The following MTDH variants were observed in gnomAD, a reference collection of about 807,000 sequenced individuals.
The protein encoded by MTDH is protein LYRIC.
In MTDH, 34 loss-of-function variants were observed where a neutral mutation model predicts 72.7. That is an observed-to-expected ratio of 0.47 (90% CI 0.36 to 0.62). The LOEUF (loss-of-function observed/expected upper bound fraction) is 0.62, where lower values mean the gene tolerates loss of function less well. Ranked by LOEUF, MTDH falls within the 20% of genes least tolerant of loss-of-function variation. The probability of loss-of-function intolerance (pLI) is 0.00; values close to 1 mark genes in which losing one functional copy is unlikely to be tolerated. For synonymous variants in MTDH, 266 were observed against 268.9 expected (o/e 0.99, Z 0.10); for missense variants, 677 against 699.4 (o/e 0.97, Z 0.36).
rs1367320107 is a variant in MTDH at position 97,718,495 on chromosome 8, G to GT, written c.1381-545dup. On this transcript the variant is annotated intron_variant, in intron 9 of 11. Transcript: ENST00000336273. ...TTGTTAAGTGAAGTGTTTTTTGTGG[G>GT]TTTTTTTTTGTTTTTGTTTTTGTTT... Among the ~76,000 whole-genome samples, 268 of 145,428 alleles carry GT rather than the reference G, an allele frequency of 1.8e-3. 1 individual carries two copies. The highest frequency in any genetic ancestry group is 5.4e-3 in the African/African-American group (209 of 38,380).
At chr8:97,668,026 G>A (rs778877161) in intron 2 of MTDH, among the ~76,000 whole-genome samples, 7 of 151,796 alleles carry the variant, frequency 4.6e-5, no homozygotes, top group Non-Finnish European at 1.0e-4. Context: ...GGTGGCTCAC[G>A]CCTGTAATCC....
Position 97,725,466 on chromosome 8 carries a change from T to G in MTDH, c.*796T>G, listed in dbSNP as rs1815317833. ...TTCAGGCAAAATCCAATTTACATTT[T>G]TCCCTTCCCTAGCAATTACTTTTTT... is the stretch of plus-strand genomic sequence containing the variant. On this transcript the variant is annotated 3_prime_UTR_variant, in exon 12 of 12. Coordinates refer to ENST00000336273, the MANE Select transcript of MTDH (RefSeq NM_178812.4). 6.6e-6 allele frequency: 1 copy of G among 152,590 alleles called. No homozygotes were observed. Among genetic ancestry groups the G allele is most frequent in the Non-Finnish European group, 1.5e-5 (1 of 68,032 alleles). 9.5% of individuals were successfully genotyped at this position (152,590 alleles called of 1,614,324 possible). A position where few individuals can be genotyped will look rare whatever the true frequency, so the allele number is the denominator to read the frequency against.
At chr8:97,694,959 C>T (rs912006228) in intron 6 of MTDH, among the ~76,000 whole-genome samples, 3 of 152,002 alleles carry the variant, frequency 2.0e-5, no homozygotes, top group African/African-American at 7.2e-5. Flanking sequence ...TAAATTCCCA[C>T]TCTCATTTTT....
At chr8:97,703,059 A>G (rs1814201159) in intron 7 of MTDH, among the ~76,000 whole-genome samples, 1 of 152,228 alleles carries the variant, frequency 6.6e-6, no homozygotes, top group Non-Finnish European at 1.5e-5. Context: ...CATTAGGCCT[A>G]TGAATCTTAA....
intron 8 of MTDH, among the ~76,000 whole-genome samples, chr8:97,707,548 G>A (rs1586271556): frequency 7.0e-6 from 1 of 142,358 alleles, no homozygotes; most frequent in South Asian, 2.2e-4. Flanking sequence ...GATTACATGT[G>A]TAAGCCACTG....
chr8:97,645,156 G>A (rs1234735190), intron 1 of MTDH, among the ~76,000 whole-genome samples: 1 of 152,190 alleles, frequency 6.6e-6, no homozygotes, highest in Non-Finnish European at 1.5e-5. Flanking sequence ...GCGCCCAGAG[G>A]TCAAGCCATC....
chr8:97,654,299 G>A (rs969442083), intron 1 of MTDH, among the ~76,000 whole-genome samples: 3 of 152,168 alleles, frequency 2.0e-5, no homozygotes, highest in African/African-American at 7.2e-5. Flanking sequence ...TAGTTGCTGT[G>A]TGCATAACAT....
chr8:97,660,154 C>T (rs1014946878), intron 1 of MTDH, among the ~76,000 whole-genome samples: 2 of 151,582 alleles, frequency 1.3e-5, no homozygotes, highest in East Asian at 1.9e-4. Flanking sequence ...AGCGAAACTC[C>T]GTCTCAAAAA....
intron 9 of MTDH, among the ~76,000 whole-genome samples, chr8:97,717,965 G>T (rs1814942853): frequency 6.6e-6 from 1 of 152,104 alleles, no homozygotes; most frequent in Admixed American, 6.6e-5. Flanking sequence ...GGCCAGACTG[G>T]TCTTGAACTC....
chr8:97,722,888 A>G lies in MTDH; in HGVS notation c.1531A>G (p.Thr511Ala). The G allele has an allele frequency of 6.2e-7, 1 of 1,607,044 alleles. No homozygotes were observed. Residue 511 changes from threonine to alanine, a missense_variant, in exon 11 of 12, where the codon ACT becomes GCT. Coordinates refer to ENST00000336273, the MANE Select transcript of MTDH (RefSeq NM_178812.4). ...TTTTTTCCTAAAATAGCCTATCAAG[A>G]CTCTTCCACCTGCTACTTCTACCGA... ...VLVKNSQPIK[T>A]LPPATSTEPS...
At chr8:97,701,269 G>A (rs1586264463) in intron 7 of MTDH, among the ~76,000 whole-genome samples, 1 of 152,072 alleles carries the variant, frequency 6.6e-6, no homozygotes, top group Non-Finnish European at 1.5e-5. Flanking sequence ...AAATCCCCAG[G>A]TGCTGAAGTC....
intron 2 of MTDH, among the ~76,000 whole-genome samples, chr8:97,684,339 C>T (rs961563413): frequency 3.3e-5 from 5 of 151,960 alleles, no homozygotes; most frequent in Non-Finnish European, 7.4e-5. Flanking sequence ...AAAAATGTGT[C>T]TACTAGAAAT....
rs373092877 is a variant in MTDH at position 97,664,068 on chromosome 8, A to G, written c.483+2895A>G. 2.4e-3 allele frequency among the ~76,000 whole-genome samples: 361 copies of G among 152,168 alleles called. 17 individuals are homozygous for G. In the South Asian group the frequency reaches 0.073, roughly 31 times the overall value. The stretch of plus-strand genomic sequence containing the variant: ...AATTTTGTGATTTAATTAATTTGAT[A>G]CAGTTGGCCGGGCACAATGGCTCAA... On this transcript the variant is annotated intron_variant, in intron 2 of 11. Coordinates refer to ENST00000336273, the MANE Select transcript of MTDH (RefSeq NM_178812.4).
At chr8:97,724,562 C>T in intron 11 of MTDH, 38 bp from the exon 12 acceptor site, 1 of 1,428,440 alleles carries the variant, frequency 7.0e-7, no homozygotes, top group Non-Finnish European at 9.6e-7. Context: ...TACCATCCTC[C>T]TAATTTTTTT....
intron 1 of MTDH, among the ~76,000 whole-genome samples, chr8:97,647,436 A>G (rs910781402): frequency 2.0e-5 from 3 of 152,036 alleles, no homozygotes; most frequent in African/African-American, 7.2e-5. Context: ...GGTGGTGTGC[A>G]CCTGTAGTCC....
In MTDH at chr8:97,723,042, A is replaced by G. The variant is rs760391382; in HGVS notation, c.1678+7A>G. The G allele has an allele frequency of 6.2e-7, 1 of 1,611,758 alleles. No individual in the cohort carries two copies. Among genetic ancestry groups the G allele is most frequent in the Admixed American group, 1.7e-5 (1 of 59,432 alleles). ...AGTGTGCCTCCTTCACAGAGTAAGT[A>G]ATCCTCATTTTTTGTTCCTTTGTAC... On this transcript the variant is annotated splice_region_variant and intron_variant, in intron 11 of 11. Coordinates refer to ENST00000336273, the MANE Select transcript of MTDH (RefSeq NM_178812.4).
intron 2 of MTDH, among the ~76,000 whole-genome samples, chr8:97,666,104 G>A (rs1416091037): frequency 6.6e-6 from 1 of 150,964 alleles, no homozygotes; most frequent in South Asian, 2.1e-4. Context: ...CCCCAGCATG[G>A]GCGACAGAGC....
chr8:97,645,182 C>T (rs921447785), intron 1 of MTDH, among the ~76,000 whole-genome samples: 1 of 152,140 alleles, frequency 6.6e-6, no homozygotes, highest in African/African-American at 2.4e-5. Flanking sequence ...GAACCGTCAC[C>T]GCTAGAATAA....
At chr8:97,697,831 T>G (rs1335855643) in intron 6 of MTDH, among the ~76,000 whole-genome samples, 1 of 152,148 alleles carries the variant, frequency 6.6e-6, no homozygotes, top group African/African-American at 2.4e-5. Context: ...AGGTACAAGT[T>G]TATTGCTTCC....
Sources: allele counts gnomAD v4.1 joint callset (sites outside exome capture counted in the v4.1 genomes callset), GRCh38; gene constraint gnomAD v4.1.1; transcripts MANE v1.5; gene names NCBI Gene and HGNC (gene_info 2026-07-23, HGNC 2026-07-21).